Variants in DYNC1I1 observed in about 807,000 individuals in gnomAD.
DYNC1I1 encodes the protein dynein cytoplasmic 1 intermediate chain 1.
In DYNC1I1, 43 loss-of-function variants were observed where a neutral mutation model predicts 86.6. The observed-to-expected ratio is 0.50, with a 90% CI of 0.39 to 0.64. The LOEUF (loss-of-function observed/expected upper bound fraction) is 0.64. Among genes scored for constraint, DYNC1I1 ranks in the 30% least tolerant of loss-of-function variants. The pLI is 0.00. For missense variants in DYNC1I1, 604 were observed against 788.8 expected, an observed-to-expected ratio of 0.77 and a Z score of 2.81; for synonymous variants, 262 against 283.7, an observed-to-expected ratio of 0.92 and a Z score of 0.77.
intron 10 of DYNC1I1, among the ~76,000 whole-genome samples, chr7:96,015,794 G>T (rs921297132): frequency 3.3e-5 from 5 of 152,154 alleles, no homozygotes; most frequent in Admixed American, 2.6e-4. Context: ...CACGACAATG[G>T]TGTAGAAATT....
intron 6 of DYNC1I1, among the ~76,000 whole-genome samples, chr7:95,920,797 G>A (rs1408401202): frequency 6.6e-6 from 1 of 152,152 alleles, no homozygotes; most frequent in Non-Finnish European, 1.5e-5. Flanking sequence ...TGTCATAGGT[G>A]CCATTTGCAG....
intron 6 of DYNC1I1, among the ~76,000 whole-genome samples, chr7:95,924,447 G>A (rs568013099): frequency 1.4e-4 from 21 of 152,242 alleles, no homozygotes; most frequent in African/African-American, 4.1e-4. Context: ...ATGTTGGATT[G>A]TTATTAGAGT....
Position 96,019,741 on chromosome 7 carries a change from A to G in DYNC1I1, c.970-8434A>G, listed in dbSNP as rs74509690. Among the ~76,000 whole-genome samples, 1,376 of 152,244 alleles carry G rather than the reference A, an allele frequency of 9.0e-3. 16 individuals are homozygous for G. Among genetic ancestry groups the G allele is most frequent in the African/African-American group, 0.031 (1,276 of 41,548 alleles). ...ACCACGTAAGAAATGATGTAGTAAC[A>G]TGTGTTACTAGATCATCAGGACAAC... On this transcript the variant is annotated intron_variant, in intron 10 of 16. Transcript: ENST00000447467.
At chr7:96,021,060 G>A (rs1353993655) in intron 10 of DYNC1I1, among the ~76,000 whole-genome samples, 5 of 152,094 alleles carry the variant, frequency 3.3e-5, no homozygotes, top group African/African-American at 4.8e-5. Context: ...AGTTTCAATT[G>A]GAGAAGATCG....
chr7:95,935,304 A>G (rs940701042), intron 6 of DYNC1I1, among the ~76,000 whole-genome samples: 2 of 151,968 alleles, frequency 1.3e-5, no homozygotes, highest in African/African-American at 2.4e-5. Context: ...ATATTGCAGA[A>G]TTTTCTTCTT....
At chr7:95,783,402 AGT>A (rs1794046986) in intron 1 of DYNC1I1, among the ~76,000 whole-genome samples, 1 of 152,228 alleles carries the variant, frequency 6.6e-6, no homozygotes, top group African/African-American at 2.4e-5. Context: ...AGTGAGACTG[AGT>A]GCTTGGTGGG....
intron 16 of DYNC1I1, among the ~76,000 whole-genome samples, chr7:96,107,067 C>T (rs1791226815): frequency 6.6e-6 from 1 of 151,258 alleles, no homozygotes; most frequent in Non-Finnish European, 1.5e-5. Context: ...CACTTGGTAG[C>T]CCAGGCTGGA....
intron 5 of DYNC1I1, among the ~76,000 whole-genome samples, chr7:95,852,536 C>A (rs928226227): frequency 1.3e-5 from 2 of 151,852 alleles, no homozygotes; most frequent in Non-Finnish European, 2.9e-5. Context: ...GAGATGGAGT[C>A]TCACTTTGTC....
chr7:96,091,483 G>A (rs1423145394), intron 16 of DYNC1I1, among the ~76,000 whole-genome samples: 1 of 152,114 alleles, frequency 6.6e-6, no homozygotes, highest in African/African-American at 2.4e-5. Flanking sequence ...CTCACTTAAT[G>A]TCTTGGCCAT....
intron 5 of DYNC1I1, among the ~76,000 whole-genome samples, chr7:95,828,321 T>A (rs1795247424): frequency 6.6e-6 from 1 of 152,064 alleles, no homozygotes; most frequent in Non-Finnish European, 1.5e-5. Flanking sequence ...GCTTTTGATT[T>A]CTCCTTATTA....
intron 14 of DYNC1I1, among the ~76,000 whole-genome samples, chr7:96,052,756 T>C (rs1223195221): frequency 1.3e-5 from 2 of 151,990 alleles, no homozygotes; most frequent in East Asian, 3.9e-4. Context: ...CGGGACAAAA[T>C]GGGATCAGAT....
intron 10 of DYNC1I1, among the ~76,000 whole-genome samples, chr7:96,018,021 G>C (rs1794443572): frequency 6.6e-6 from 1 of 152,254 alleles, no homozygotes. Context: ...AATTAACTCT[G>C]TTATCACCTG....
chr7:96,009,783 C>CT (rs3216254), intron 10 of DYNC1I1, among the ~76,000 whole-genome samples: 57 of 144,968 alleles, frequency 3.9e-4, no homozygotes, highest in Non-Finnish European at 4.1e-4. Flanking sequence ...CAGATGACTT[C>CT]TTTTTTTTTT....
intron 6 of DYNC1I1, among the ~76,000 whole-genome samples, chr7:95,901,321 G>A (rs1173061799): frequency 6.6e-6 from 1 of 152,188 alleles, no homozygotes; most frequent in Non-Finnish European, 1.5e-5. Context: ...CCTGGAGCCT[G>A]AGGCATAGTA....
At chr7:95,789,667 G>C (rs190656277) in intron 1 of DYNC1I1, among the ~76,000 whole-genome samples, 1 of 152,034 alleles carries the variant, frequency 6.6e-6, no homozygotes. Flanking sequence ...AGTCTCCTGT[G>C]GTAGTGAACA....
intron 6 of DYNC1I1, among the ~76,000 whole-genome samples, chr7:95,905,540 C>T (rs1419340572): frequency 1.3e-5 from 2 of 152,106 alleles, no homozygotes; most frequent in East Asian, 1.9e-4. Context: ...CTAATATTGC[C>T]CTTCTTCTTT....
chr7:96,046,995 A>G (rs1789235816), intron 14 of DYNC1I1, among the ~76,000 whole-genome samples: 1 of 152,190 alleles, frequency 6.6e-6, no homozygotes. Context: ...GGTAACTTAT[A>G]AACAATAGTC....
chr7:95,908,223 A>G (rs1791227517), intron 6 of DYNC1I1, among the ~76,000 whole-genome samples: 1 of 152,132 alleles, frequency 6.6e-6, no homozygotes. Flanking sequence ...TCATAAACTT[A>G]GTTTCTAAAA....
intron 4 of DYNC1I1, among the ~76,000 whole-genome samples, chr7:95,822,161 C>G (rs2115891487): frequency 6.6e-6 from 1 of 152,164 alleles, no homozygotes; most frequent in Non-Finnish European, 1.5e-5. Flanking sequence ...AACAGATGGC[C>G]AAGGATATTT....
Sources: gnomAD v4.1 joint callset for allele counts (sites outside exome capture counted in the v4.1 genomes callset) on GRCh38, gnomAD v4.1.1 for gene constraint, MANE v1.5 for transcripts, NCBI Gene and HGNC (gene_info 2026-07-23, HGNC 2026-07-21) for gene names.